The following MALRD1 variants were observed in gnomAD, a reference collection of about 807,000 sequenced individuals.
The protein encoded by MALRD1 is MAM and LDL receptor class A domain containing 1, also known as MAM and LDL-receptor class A domain-containing protein 1.
Under a neutral mutation model 242.1 loss-of-function variants are expected in MALRD1, and 247 were observed. The ratio of observed to expected loss-of-function variants is 1.02; its 90% CI spans 0.92 to 1.13. MALRD1 has a LOEUF of 1.13. MALRD1 is among the 50% of genes most tolerant of loss of function. The pLI, the probability that MALRD1 is intolerant of heterozygous loss-of-function variation, is 0.00. For missense variants in MALRD1, 2,989 were observed against 2,533.1 expected (o/e 1.18, Z -3.86); for synonymous variants, 995 against 866.6 (o/e 1.15, Z -2.60).
At chr10:19,224,416 A>G (rs1837698187) in intron 18 of MALRD1, among the ~76,000 whole-genome samples, 1 of 151,634 alleles carries the variant, frequency 6.6e-6, no homozygotes, top group South Asian at 2.1e-4. Context: ...CCTCTTGAGT[A>G]GCTGGGATTA....
chr10:19,525,107 G>T (rs1402407091), intron 31 of MALRD1, among the ~76,000 whole-genome samples: 1 of 151,060 alleles, frequency 6.6e-6, no homozygotes, highest in Non-Finnish European at 1.5e-5. Context: ...TAGAGACGGG[G>T]TTTCCCTATG....
chr10:19,506,783 C>G (rs1458709555), intron 31 of MALRD1, among the ~76,000 whole-genome samples: 1 of 151,934 alleles, frequency 6.6e-6, no homozygotes, highest in African/African-American at 2.4e-5. Flanking sequence ...CAATTTGATA[C>G]CAGGCTTGCT....
At chr10:19,463,164 T>G (rs1836029931) in intron 29 of MALRD1, among the ~76,000 whole-genome samples, 1 of 152,078 alleles carries the variant, frequency 6.6e-6, no homozygotes, top group African/African-American at 2.4e-5. Context: ...TAAATTTAAT[T>G]TTAATTTTAT....
chr10:19,231,694 C>A (rs1029387539), intron 18 of MALRD1, among the ~76,000 whole-genome samples: 8 of 152,142 alleles, frequency 5.3e-5, no homozygotes, highest in African/African-American at 1.4e-4. Flanking sequence ...GAGGCCTCCC[C>A]AGCCATGTGG....
At chr10:19,248,250 G>T (rs557306321) in intron 18 of MALRD1, among the ~76,000 whole-genome samples, 3 of 151,890 alleles carry the variant, frequency 2.0e-5, no homozygotes. Context: ...AGTTTCAAAA[G>T]CAGGTATTAT....
Position 19,209,587 on chromosome 10 carries a change from C to T in MALRD1, c.2898C>T (p.Asp966=). 4 of 1,550,914 alleles carry T rather than the reference C, an allele frequency of 2.6e-6. No homozygotes were observed. The highest frequency in any genetic ancestry group is 3.5e-6 in the Non-Finnish European group (4 of 1,147,060). The change falls in exon 18 of 40, where the codon GAC becomes GAT. Residue 966 remains aspartate (D), a synonymous_variant. Coordinates refer to ENST00000454679, the MANE Select transcript of MALRD1 (RefSeq NM_001142308.3). ...RLAIYQRIWS[D]SRGQLLWQIF... is the part of the protein sequence containing the mutation. ...CAATCTACCAACGAATCTGGAGTGA[C>T]TCAAGGGGACAGCTGCTGTGGCAGA... is the stretch of plus-strand genomic sequence containing the variant.
intron 38 of MALRD1, among the ~76,000 whole-genome samples, chr10:19,692,886 T>TATATATATATATATATATATATA (rs373717863): frequency 1.0e-4 from 14 of 136,842 alleles, no homozygotes; most frequent in African/African-American, 3.5e-4. Flanking sequence ...TATATATATA[T>TATATATATATATATATATATATA]AATTTCATCC....
intron 26 of MALRD1, among the ~76,000 whole-genome samples, chr10:19,385,410 A>G (rs147092367): frequency 6.6e-6 from 1 of 151,990 alleles, no homozygotes; most frequent in East Asian, 1.9e-4. Context: ...TTACCACTTC[A>G]ATCTCATTAC....
chr10:19,367,953 T>C (rs911911093), intron 26 of MALRD1, among the ~76,000 whole-genome samples: 1 of 151,804 alleles, frequency 6.6e-6, no homozygotes. Flanking sequence ...AATTGGAGTA[T>C]TATTATTATT....
At chr10:19,389,146 T>A (rs1362459782) in intron 27 of MALRD1, 1 of 443,624 alleles carries the variant, frequency 2.3e-6, no homozygotes, top group Non-Finnish European at 4.4e-6. Flanking sequence ...TTACAATCAC[T>A]TGGTAGTTTG....
chr10:19,647,280 A>G (rs895245370), intron 36 of MALRD1, among the ~76,000 whole-genome samples: 3 of 152,184 alleles, frequency 2.0e-5, no homozygotes, highest in Non-Finnish European at 4.4e-5. Context: ...ATTGAATCTA[A>G]TTGATGTCTC....
chr10:19,391,693 C>G (rs1387940543), intron 28 of MALRD1, among the ~76,000 whole-genome samples: 2 of 152,176 alleles, frequency 1.3e-5, no homozygotes, highest in Non-Finnish European at 2.9e-5. Flanking sequence ...GCCACATTTG[C>G]CTAGCCTCCC....
chr10:19,387,521 G>A lies in MALRD1; in HGVS notation c.4442-7G>A. ...GCTCATTCTTGTTTTCTTTTGTTTT[G>A]TTTTAGGTTTCTGCCCACTTGGCTA... On this transcript the variant is annotated splice_region_variant and splice_polypyrimidine_tract_variant and intron_variant, in intron 26 of 39. Transcript: ENST00000454679. The A allele has an allele frequency of 6.5e-7, 1 of 1,548,548 alleles. No individual in the cohort carries two copies. The highest frequency in any genetic ancestry group is 8.7e-7 in the Non-Finnish European group (1 of 1,146,134).
At chr10:19,098,824 G>A (rs1476111252) in intron 4 of MALRD1, among the ~76,000 whole-genome samples, 1 of 152,114 alleles carries the variant, frequency 6.6e-6, no homozygotes, top group East Asian at 1.9e-4. Context: ...AGAGAGAGGG[G>A]TCCTGAATGG....
chr10:19,550,461 A>G (rs1457016349), intron 32 of MALRD1, among the ~76,000 whole-genome samples: 1 of 152,026 alleles, frequency 6.6e-6, no homozygotes, highest in Non-Finnish European at 1.5e-5. Flanking sequence ...ACTAGTACCA[A>G]TTAATTATTT....
At chr10:19,196,552 T>C (rs931071039) in intron 14 of MALRD1, among the ~76,000 whole-genome samples, 12 of 136,884 alleles carry the variant, frequency 8.8e-5, no homozygotes, top group African/African-American at 1.4e-4. Context: ...TTTTTTTTTT[T>C]CTCCTATTTT....
At chr10:19,483,813 G>A (rs1316308480) in intron 29 of MALRD1, among the ~76,000 whole-genome samples, 1 of 152,032 alleles carries the variant, frequency 6.6e-6, no homozygotes, top group Non-Finnish European at 1.5e-5. Flanking sequence ...CTAAAAAAAA[G>A]ATGCATGAAT....
intron 11 of MALRD1, among the ~76,000 whole-genome samples, chr10:19,153,012 C>G (rs1833998751): frequency 6.6e-6 from 1 of 151,844 alleles, no homozygotes; most frequent in South Asian, 2.1e-4. Context: ...TAATTATTTC[C>G]TTTTATTTTA....
intron 10 of MALRD1, among the ~76,000 whole-genome samples, chr10:19,141,848 G>T (rs1833554982): frequency 1.3e-5 from 2 of 151,986 alleles, no homozygotes; most frequent in South Asian, 4.1e-4. Flanking sequence ...AATTTTTACT[G>T]TGATATTGTC....
Sources: allele counts gnomAD v4.1 joint callset (sites outside exome capture counted in the v4.1 genomes callset), GRCh38; gene constraint gnomAD v4.1.1; transcripts MANE v1.5; gene names NCBI Gene and HGNC (gene_info 2026-07-23, HGNC 2026-07-21).